DHRSX: variants seen among roughly 807,000 people sequenced by gnomAD.
DHRSX encodes the protein dehydrogenase/reductase X-linked.
A neutral mutation model predicts 34.0 loss-of-function variants in DHRSX; 31 were observed. The ratio of observed to expected loss-of-function variants is 0.91; its 90% CI spans 0.69 to 1.23. DHRSX has a LOEUF of 1.23. DHRSX is among the 50% of genes most tolerant of loss of function. The pLI is 0.00. For synonymous variants in DHRSX, 201 were observed against 183.8 expected, an observed-to-expected ratio of 1.09 and a Z score of -0.76; for missense variants, 414 against 428.1, an observed-to-expected ratio of 0.97 and a Z score of 0.29.
chrX:2,477,165 T>C (rs1008608325), intron 1 of DHRSX, among the ~76,000 whole-genome samples: 1 of 152,168 alleles, frequency 6.6e-6, no homozygotes, highest in Admixed American at 6.6e-5. Flanking sequence ...ATGTAGAAGC[T>C]GTTTCCCTGC....
rs374874145 is a variant in DHRSX, at chrX:2,247,892, T to A, written c.597-4662A>T. On this transcript the variant is annotated intron_variant, in intron 5 of 6. Coordinates refer to ENST00000334651, the MANE Select transcript of DHRSX (RefSeq NM_145177.3). ...GCACCACGGAAACTGGAATCCTTCT[T>A]CCCCAAGGTGGGTCCCGAAAACCAA... is the stretch of plus-strand genomic sequence containing the variant. Among the ~76,000 whole-genome samples, 201 of 152,064 alleles carry A rather than the reference T, an allele frequency of 1.3e-3. 1 individual carries two copies. Among genetic ancestry groups the A allele is most frequent in the African/African-American group, 4.6e-3 (189 of 41,480 alleles).
chrX:2,236,678 C>G lies in DHRSX; in HGVS notation c.804+6345G>C, dbSNP rs746980670. 2.6e-3 allele frequency among the ~76,000 whole-genome samples: 392 copies of G among 152,094 alleles called. 1 individual carries two copies. The highest frequency in any genetic ancestry group is 6.0e-3 in the South Asian group (29 of 4,808). Reference sequence around the variant, plus strand: ...AACTCCTGGCCTCATGTGATCCACCCGCCTCAGCCTCCCAAAGTGCTGGGA... The same window carrying G: ...AACTCCTGGCCTCATGTGATCCACCGGCCTCAGCCTCCCAAAGTGCTGGGA... On this transcript the variant is annotated intron_variant, in intron 6 of 6. Coordinates refer to ENST00000334651, the MANE Select transcript of DHRSX (RefSeq NM_145177.3).
intron 3 of DHRSX, among the ~76,000 whole-genome samples, chrX:2,358,899 A>T (rs1391249196): frequency 1.3e-5 from 2 of 150,928 alleles, no homozygotes; most frequent in Non-Finnish European, 2.9e-5. Flanking sequence ...CAGTGAGCCG[A>T]GATCGCGCCA....
At chrX:2,282,404 G>C (rs778512296) in intron 4 of DHRSX, among the ~76,000 whole-genome samples, 41 of 148,988 alleles carry the variant, frequency 2.8e-4, no homozygotes, top group African/African-American at 7.4e-4. Context: ...CAGAGAGAAA[G>C]AGAGAAAGGG....
At chrX:2,489,643 G>A in intron 1 of DHRSX, 3 of 1,612,558 alleles carry the variant, frequency 1.9e-6, no homozygotes, top group Non-Finnish European at 1.7e-6. Flanking sequence ...GCTGCAGCAT[G>A]GCCAGCGTGC....
intron 3 of DHRSX, among the ~76,000 whole-genome samples, chrX:2,298,601 T>TACACAC (rs747078260): frequency 1.1e-4 from 14 of 131,818 alleles, no homozygotes; most frequent in African/African-American, 2.5e-4. Context: ...GGCGCGTGTG[T>TACACAC]ACACACACAC....
chrX:2,473,035 T>C (rs1479949203), intron 1 of DHRSX, among the ~76,000 whole-genome samples: 1 of 151,898 alleles, frequency 6.6e-6, no homozygotes, highest in Non-Finnish European at 1.5e-5. Context: ...CAACTTACTG[T>C]CCACTGCAAA....
chrX:2,485,547 G>A (rs1318636769), intron 1 of DHRSX, among the ~76,000 whole-genome samples: 1 of 141,036 alleles, frequency 7.1e-6, no homozygotes, highest in Non-Finnish European at 1.5e-5. Context: ...GGGAGAAAAG[G>A]GAGGGAGGGA....
intron 1 of DHRSX, among the ~76,000 whole-genome samples, chrX:2,459,169 T>G (rs1035703098): frequency 6.6e-5 from 10 of 151,966 alleles, no homozygotes; most frequent in African/African-American, 1.5e-4. Flanking sequence ...ATTAAATTTT[T>G]TCAGTTACAT....
chrX:2,367,476 T>C (rs1485463265), intron 3 of DHRSX, among the ~76,000 whole-genome samples: 1 of 151,214 alleles, frequency 6.6e-6, no homozygotes, highest in Non-Finnish European at 1.5e-5. Flanking sequence ...AGAACGATGC[T>C]ACATTCTCAG....
intron 3 of DHRSX, among the ~76,000 whole-genome samples, chrX:2,330,125 A>AG (rs1212024374): frequency 4.4e-5 from 4 of 90,888 alleles, no homozygotes; most frequent in African/African-American, 1.1e-4. Context: ...AGAGAGAGAC[A>AG]GAGAGAAAGG....
intron 1 of DHRSX, among the ~76,000 whole-genome samples, chrX:2,433,434 C>A (rs1417905970): frequency 1.3e-5 from 2 of 151,770 alleles, no homozygotes; most frequent in African/African-American, 4.8e-5. Context: ...ATGTGTAGAA[C>A]GCGCAGGTTT....
At chrX:2,369,166 G>A (rs769218260) in intron 3 of DHRSX, among the ~76,000 whole-genome samples, 13 of 152,212 alleles carry the variant, frequency 8.5e-5, no homozygotes, top group African/African-American at 2.2e-4. Flanking sequence ...TTGCTTCTGC[G>A]GTTGAAACTT....
At chrX:2,282,954 GAGAC>G (rs1224507846) in intron 4 of DHRSX, among the ~76,000 whole-genome samples, 9 of 151,716 alleles carry the variant, frequency 5.9e-5, no homozygotes, top group Admixed American at 6.6e-5. Flanking sequence ...AGGAGAGAGA[GAGAC>G]AGAGAGAAAA....
chrX:2,283,879 C>A (rs1053915538), intron 4 of DHRSX, among the ~76,000 whole-genome samples: 1 of 151,936 alleles, frequency 6.6e-6, no homozygotes, highest in African/African-American at 2.4e-5. Context: ...TTCATTCATT[C>A]ATTCCTTTGA....
intron 3 of DHRSX, among the ~76,000 whole-genome samples, chrX:2,390,989 T>TC (rs2043329407): frequency 6.6e-6 from 1 of 152,218 alleles, no homozygotes; most frequent in Non-Finnish European, 1.5e-5. Flanking sequence ...TGAATACCCT[T>TC]CCTTTTTTAT....
At chrX:2,353,202 C>T (rs2042808385) in intron 3 of DHRSX, among the ~76,000 whole-genome samples, 1 of 152,130 alleles carries the variant, frequency 6.6e-6, no homozygotes, top group Admixed American at 6.6e-5. Flanking sequence ...CAAGACTGCA[C>T]TATTACACTT....
At chrX:2,478,786 G>A (rs1182828293) in intron 1 of DHRSX, among the ~76,000 whole-genome samples, 1 of 151,472 alleles carries the variant, frequency 6.6e-6, no homozygotes, top group Non-Finnish European at 1.5e-5. Flanking sequence ...CACTGACGAC[G>A]TTCCCTTAGA....
chrX:2,446,011 C>T (rs1306232134), intron 1 of DHRSX, among the ~76,000 whole-genome samples: 1 of 149,682 alleles, frequency 6.7e-6, no homozygotes, highest in Non-Finnish European at 1.5e-5. Context: ...GCCAAGGGAC[C>T]GCTGCTGTGT....
Sources: allele counts gnomAD v4.1 joint callset (sites outside exome capture counted in the v4.1 genomes callset), GRCh38; gene constraint gnomAD v4.1.1; transcripts MANE v1.5; gene names NCBI Gene and HGNC (gene_info 2026-07-23, HGNC 2026-07-21).